Variants in DCAKD observed in about 807,000 individuals in gnomAD.
The protein encoded by DCAKD is dephospho-CoA kinase domain containing.
In DCAKD, 15 loss-of-function variants were observed where a neutral mutation model predicts 18.7. The observed-to-expected ratio is 0.80, with a 90% CI of 0.54 to 1.24. The LOEUF (loss-of-function observed/expected upper bound fraction) is 1.24, where lower values mean the gene tolerates loss of function less well. Among genes scored for constraint, DCAKD ranks in the 50% most tolerant of loss-of-function variants. DCAKD has a pLI of 0.00. For synonymous variants in DCAKD, 130 were observed against 133.0 expected, an observed-to-expected ratio of 0.98 and a Z score of 0.16; for missense variants, 301 against 322.0, an observed-to-expected ratio of 0.93 and a Z score of 0.50.
Position 45,023,861 on chromosome 17 carries a change from C to A in DCAKD, c.*572G>T, listed in dbSNP as rs992665427. The A allele has an allele frequency of 2.0e-5, 3 of 152,852 alleles. No individual in the cohort carries two copies. Among genetic ancestry groups the A allele is most frequent in the Non-Finnish European group, 4.4e-5 (3 of 68,500 alleles). 9.5% of individuals were successfully genotyped at this position (152,852 alleles called of 1,614,324 possible). On this transcript the variant is annotated 3_prime_UTR_variant, in exon 5 of 5. Transcript: ENST00000651974. The stretch of plus-strand genomic sequence containing the variant: ...GCTACAGCGTTACCCACGAGAGAAT[C>A]CTTGCTGCTTGCTGGCAGCAAGCCA...
intron 1 of DCAKD, among the ~76,000 whole-genome samples, chr17:45,050,937 C>T (rs2053680659): frequency 6.6e-6 from 1 of 152,242 alleles, no homozygotes; most frequent in African/African-American, 2.4e-5. Flanking sequence ...GTGAGATCCA[C>T]GCCGCCCCAG....
At chr17:45,041,061 C>T (rs2053422021) in intron 1 of DCAKD, among the ~76,000 whole-genome samples, 2 of 152,160 alleles carry the variant, frequency 1.3e-5, no homozygotes, top group South Asian at 4.1e-4. Context: ...AGCACCTGTG[C>T]CCTGACCACT....
At chr17:45,037,100 G>A (rs972859259) in intron 1 of DCAKD, among the ~76,000 whole-genome samples, 2 of 152,118 alleles carry the variant, frequency 1.3e-5, no homozygotes, top group Admixed American at 1.3e-4. Context: ...AGCCAGAGGT[G>A]GAGAGAGGAA....
chr17:45,056,624 A>C (rs2053783218), upstream of DCAKD, among the ~76,000 whole-genome samples: 1 of 151,822 alleles, frequency 6.6e-6, no homozygotes, highest in African/African-American at 2.4e-5. Flanking sequence ...ACAGGCGTCC[A>C]CCACTGTGCC....
At chr17:45,047,500 G>A (rs1190268595) in intron 1 of DCAKD, among the ~76,000 whole-genome samples, 1 of 141,184 alleles carries the variant, frequency 7.1e-6, no homozygotes, top group Non-Finnish European at 1.5e-5. Flanking sequence ...GCCCTGGCTA[G>A]TCTCTTTTTT....
chr17:45,045,308 G>A (rs553507381), intron 1 of DCAKD, among the ~76,000 whole-genome samples: 8 of 152,244 alleles, frequency 5.3e-5, no homozygotes, highest in South Asian at 2.1e-4. Flanking sequence ...TCTTCACAGC[G>A]CTGACCAACG....
At chr17:45,053,699 C>T (rs558541650), upstream of DCAKD, among the ~76,000 whole-genome samples, 4 of 152,264 alleles carry the variant, frequency 2.6e-5, no homozygotes, top group African/African-American at 7.2e-5. Flanking sequence ...GGATTACAGG[C>T]GTCAGCCACC....
intron 1 of DCAKD, among the ~76,000 whole-genome samples, chr17:45,058,808 C>A (rs1199890286): frequency 1.3e-5 from 2 of 152,240 alleles, no homozygotes; most frequent in African/African-American, 2.4e-5. Flanking sequence ...CAGTCTTAGA[C>A]CCCGGAGAGT....
rs2052984862 is a variant in DCAKD, at chr17:45,023,510, T to A, written c.*923A>T. 6.8e-6 allele frequency: 1 copy of A among 146,258 alleles called. No homozygotes were observed. Among genetic ancestry groups the A allele is most frequent in the South Asian group, 2.1e-4 (1 of 4,720 alleles). The allele number at this position is 146,258 out of a possible 1,614,324, so 9.1% of individuals were successfully genotyped here. ...TCGGCTAATTACTGTACTGTTGGAT[T>A]AAGGTAAAATGTTGAGGGGGAGTTG... is the stretch of plus-strand genomic sequence containing the variant. On this transcript the variant is annotated 3_prime_UTR_variant, in exon 5 of 5. Transcript: ENST00000651974.
chr17:45,046,676 T>C (rs1597977382), intron 1 of DCAKD, among the ~76,000 whole-genome samples: 1 of 145,748 alleles, frequency 6.9e-6, no homozygotes, highest in East Asian at 2.1e-4. Flanking sequence ...CCAGGTGGCC[T>C]ACACACAGGA....
chr17:45,036,840 CA>C (rs1157790984), intron 1 of DCAKD, among the ~76,000 whole-genome samples: 6 of 152,168 alleles, frequency 3.9e-5, no homozygotes, highest in Non-Finnish European at 5.9e-5. Flanking sequence ...ACCCTTCCTT[CA>C]GCCTCAAATC....
At chr17:45,047,181 A>G (rs1216520135) in intron 1 of DCAKD, among the ~76,000 whole-genome samples, 1 of 151,956 alleles carries the variant, frequency 6.6e-6, no homozygotes, top group Non-Finnish European at 1.5e-5. Flanking sequence ...ACATGAAGAA[A>G]CTTTTTCAAT....
upstream of DCAKD, among the ~76,000 whole-genome samples, chr17:45,054,627 G>A (rs577287056): frequency 6.6e-6 from 1 of 152,194 alleles, no homozygotes; most frequent in East Asian, 1.9e-4. Context: ...GTTTTAAACC[G>A]TGGGGCCATA....
chr17:45,051,204 A>AGT (rs1362938298), intron 1 of DCAKD, among the ~76,000 whole-genome samples, 157 bp downstream of exon 1: 1 of 152,240 alleles, frequency 6.6e-6, no homozygotes, highest in African/African-American at 2.4e-5. Context: ...TCTAAAGGGC[A>AGT]GTGGCTTTGG....
At chr17:45,054,163 G>A (rs2053755960), upstream of DCAKD, 1 of 517,972 alleles carries the variant, frequency 1.9e-6, no homozygotes, top group Admixed American at 1.9e-5. Context: ...CACCCTGCCA[G>A]TATTTGAATC....
intron 4 of DCAKD, 90 bp downstream of exon 4, chr17:45,030,002 T>C: frequency 8.0e-7 from 1 of 1,242,938 alleles, no homozygotes. Flanking sequence ...GGCCGCCCCG[T>C]GGGGAAAGGG....
upstream of DCAKD, among the ~76,000 whole-genome samples, chr17:45,052,354 G>A (rs1218853796): frequency 1.3e-5 from 2 of 152,056 alleles, no homozygotes; most frequent in Non-Finnish European, 2.9e-5. Flanking sequence ...GCACTTTGTG[G>A]GATTATCTCA....
At chr17:45,044,201 C>A (rs905590500) in intron 1 of DCAKD, among the ~76,000 whole-genome samples, 1 of 152,140 alleles carries the variant, frequency 6.6e-6, no homozygotes, top group African/African-American at 2.4e-5. Context: ...GTCCTCCCAG[C>A]ATCTCCAACC....
intron 1 of DCAKD, among the ~76,000 whole-genome samples, chr17:45,050,324 G>A (rs149805609): frequency 6.6e-6 from 1 of 152,096 alleles, no homozygotes; most frequent in African/African-American, 2.4e-5. Context: ...GATTACAGGC[G>A]TGAGCCACCG....
Sources: allele counts gnomAD v4.1 joint callset (sites outside exome capture counted in the v4.1 genomes callset), GRCh38; gene constraint gnomAD v4.1.1; transcripts MANE v1.5; gene names NCBI Gene and HGNC (gene_info 2026-07-23, HGNC 2026-07-21).